Variants in SPNS2 observed in about 807,000 individuals in gnomAD.
SPNS2 encodes SPNS lysolipid transporter 2, sphingosine-1-phosphate.
In SPNS2, 37 loss-of-function variants were observed where a neutral mutation model predicts 57.6. The observed-to-expected ratio is 0.64, with a 90% CI of 0.49 to 0.85. The LOEUF is 0.85. Ranked by LOEUF, SPNS2 falls within the 40% of genes least tolerant of loss-of-function variation. The probability of loss-of-function intolerance (pLI) is 0.00; values close to 1 mark genes in which losing one functional copy is unlikely to be tolerated. For missense variants in SPNS2, 831 were observed against 779.1 expected, an observed-to-expected ratio of 1.07 and a Z score of -0.79; for synonymous variants, 440 against 346.9, an observed-to-expected ratio of 1.27 and a Z score of -2.98.
chr17:4,524,951 T>G lies in SPNS2; in HGVS notation c.437-106T>G, dbSNP rs1905226910. ...AGGTTTCCTCTCTGGGCTGCTTCCTTGGTCCCTTTGCTCCACAGACTCTTG... is the reference window on the plus strand; with the variant it reads ...AGGTTTCCTCTCTGGGCTGCTTCCTGGGTCCCTTTGCTCCACAGACTCTTG... On this transcript the variant is annotated intron_variant, in intron 2 of 12. Coordinates refer to ENST00000329078, the MANE Select transcript of SPNS2 (RefSeq NM_001124758.3). 5.3e-6 allele frequency: 8 copies of G among 1,504,474 alleles called. No individual in the cohort carries two copies. The South Asian group carries it at 1.0e-4, about 19-fold the overall frequency. The allele number at this position is 1,504,474 out of a possible 1,614,324, so 93.2% of individuals were successfully genotyped here. A position where few individuals can be genotyped will look rare whatever the true frequency, so the allele number is the denominator to read the frequency against.
At chr17:4,520,017 C>T (rs1905099685) in intron 2 of SPNS2, among the ~76,000 whole-genome samples, 1 of 152,256 alleles carries the variant, frequency 6.6e-6, no homozygotes, top group Non-Finnish European at 1.5e-5. Flanking sequence ...TCCCACCTCC[C>T]TCCTGACCCT....
intron 3 of SPNS2, among the ~76,000 whole-genome samples, chr17:4,525,966 C>T (rs1185191841): frequency 2.0e-5 from 3 of 152,154 alleles, no homozygotes; most frequent in Non-Finnish European, 4.4e-5. Flanking sequence ...GTGGCAATCA[C>T]ATGCCGGCTG....
Position 4,525,336 on chromosome 17 carries a change from C to G in SPNS2, c.573+143C>G, listed in dbSNP as rs1189657580. The G allele has an allele frequency of 1.5e-5, 18 of 1,239,418 alleles. No homozygotes were observed. The South Asian group carries it at 2.2e-4, about 15-fold the overall frequency. The allele number at this position is 1,239,418 out of a possible 1,614,324, so 76.8% of individuals were successfully genotyped here. A position where few individuals can be genotyped will look rare whatever the true frequency, so the allele number is the denominator to read the frequency against. ...CCACTGTCTTCCCAGTGCAGAAGGA[C>G]AGGTGGTCTTCGGGTATTTTTATAA... is the stretch of plus-strand genomic sequence containing the variant. On this transcript the variant is annotated intron_variant, in intron 3 of 12. Transcript: ENST00000329078.
At chr17:4,535,712 C>T (rs1031525220) in intron 9 of SPNS2, among the ~76,000 whole-genome samples, 1 of 152,118 alleles carries the variant, frequency 6.6e-6, no homozygotes, top group Admixed American at 6.5e-5. Context: ...ATTCCAATTT[C>T]AGAGGGGTGT....
intron 2 of SPNS2, 83 bp downstream of exon 2, chr17:4,513,395 G>T (rs1279613690): frequency 5.5e-6 from 8 of 1,451,428 alleles, no homozygotes; most frequent in Admixed American, 5.1e-5. Flanking sequence ...TCTGCCACCC[G>T]GTCTGTCTTC....
At position 4,532,672 on chromosome 17, in the gene SPNS2, C is replaced by T. The variant is rs764623452; in HGVS notation, c.923C>T (p.Ala308Val). 6.1e-5 allele frequency: 98 copies of T among 1,613,748 alleles called. No individual in the cohort carries two copies. The highest frequency in any genetic ancestry group is 7.6e-5 in the Non-Finnish European group (90 of 1,179,926). The change falls in exon 6 of 13, where the codon GCC (alanine) becomes GTC (valine). Residue 308 changes from alanine (A) to valine (V), a missense_variant. Transcript: ENST00000329078. Reference protein sequence around the residue: ...ARTSWLRDMKALIRNRSYVFS... With the variant: ...ARTSWLRDMKVLIRNRSYVFS... ...ACCTCATGGCTCCGAGATATGAAGG[C>T]CCTGATTCGAAAGTGAGTACCGCGG...
At chr17:4,502,128 C>A (rs1007782835) in intron 1 of SPNS2, among the ~76,000 whole-genome samples, 2 of 152,160 alleles carry the variant, frequency 1.3e-5, no homozygotes, top group Non-Finnish European at 2.9e-5. Context: ...GTAAACCCAG[C>A]ACTTTGGGAG....
chr17:4,532,848 C>A, intron 6 of SPNS2, 129 bp from the exon 7 acceptor site: 1 of 1,465,394 alleles, frequency 6.8e-7, no homozygotes, highest in South Asian at 1.3e-5. Context: ...ATTCCTGCAG[C>A]CTGAACCCTC....
At chr17:4,526,091 C>G (rs1905256810) in intron 3 of SPNS2, among the ~76,000 whole-genome samples, 2 of 152,240 alleles carry the variant, frequency 1.3e-5, no homozygotes, top group African/African-American at 4.8e-5. Context: ...TTGACAGGAA[C>G]TCCTGTGTTC....
At chr17:4,504,832 G>C (rs552169863) in intron 1 of SPNS2, among the ~76,000 whole-genome samples, 5 of 152,288 alleles carry the variant, frequency 3.3e-5, no homozygotes, top group Admixed American at 2.6e-4. Context: ...GGCAAATTCT[G>C]ACTCTCTCTG....
At chr17:4,504,430 T>C (rs1216729254) in intron 1 of SPNS2, among the ~76,000 whole-genome samples, 1 of 152,112 alleles carries the variant, frequency 6.6e-6, no homozygotes, top group African/African-American at 2.4e-5. Flanking sequence ...GGAAGTGCTT[T>C]GAAACATAGT....
At position 4,511,087 on chromosome 17, in the gene SPNS2, G is replaced by C. The variant is rs568473417; in HGVS notation, c.371-2160G>C. 6.6e-6 allele frequency among the ~76,000 whole-genome samples: 1 copy of C among 152,176 alleles called. No individual in the cohort carries two copies. The highest frequency in any genetic ancestry group is 1.9e-4 in the East Asian group (1 of 5,194). ...CTCACGCAGTTCCTTGGAACTTAGC[G>C]GGAAGCGGTAACTAGCGGCTCTCAG... On this transcript the variant is annotated intron_variant, in intron 1 of 12. Transcript: ENST00000329078. This position sits in a 1 kb window ranked among gnomAD's most constrained non-coding sequence, Gnocchi z 4.6.
intron 3 of SPNS2, among the ~76,000 whole-genome samples, chr17:4,530,053 C>T (rs1435897905): frequency 6.6e-6 from 1 of 152,158 alleles, no homozygotes; most frequent in Non-Finnish European, 1.5e-5. Context: ...GTCATGCTAC[C>T]AGCAGCTGGC....
chr17:4,513,281 C>T lies in SPNS2; in HGVS notation c.405C>T (p.Val135=), dbSNP rs1214568666. The change falls in exon 2 of 13, where the codon GTC becomes GTT. Residue 135 remains valine (V), a synonymous_variant. Coordinates refer to ENST00000329078, the MANE Select transcript of SPNS2 (RefSeq NM_001124758.3). ...TGGACATCCAGCAGCACTTTGGGGT[C>T]AAGGACCGAGGCGCCGGCCTGCTGC... ...VLLDIQQHFG[V]KDRGAGLLQS... 1 of 1,614,058 alleles carries T rather than the reference C, an allele frequency of 6.2e-7. No individual in the cohort carries two copies. Among genetic ancestry groups the T allele is most frequent in the Non-Finnish European group, 8.5e-7 (1 of 1,179,924 alleles).
At chr17:4,524,764 A>G (rs1905222889) in intron 2 of SPNS2, among the ~76,000 whole-genome samples, 1 of 152,254 alleles carries the variant, frequency 6.6e-6, no homozygotes, top group Non-Finnish European at 1.5e-5. Context: ...GCATGTAGAA[A>G]GTGTTCAATA....
At chr17:4,530,353 G>T (rs986593322) in intron 3 of SPNS2, among the ~76,000 whole-genome samples, 1 of 152,198 alleles carries the variant, frequency 6.6e-6, no homozygotes, top group Non-Finnish European at 1.5e-5. Context: ...GAGGACAGAG[G>T]GGGCCTACCT....
In SPNS2 at chr17:4,518,727, C is replaced by T. The variant is rs560131181; in HGVS notation, c.436+5415C>T. Among the ~76,000 whole-genome samples, 8 of 152,294 alleles carry T rather than the reference C, an allele frequency of 5.3e-5. No individual in the cohort carries two copies. In the South Asian group the frequency reaches 1.2e-3, roughly 24 times the overall value. On this transcript the variant is annotated intron_variant, in intron 2 of 12. Transcript: ENST00000329078. Reference sequence around the variant, plus strand: ...AGAGCCAGCTCAAACCGAAACCAGACAGTGCCTCTGTTTTGGGGGTAAGTC... The same window carrying T: ...AGAGCCAGCTCAAACCGAAACCAGATAGTGCCTCTGTTTTGGGGGTAAGTC...
chr17:4,504,464 G>A lies in SPNS2; in HGVS notation c.370+5047G>A, dbSNP rs531446988. Among the ~76,000 whole-genome samples, 13 of 152,336 alleles carry A rather than the reference G, an allele frequency of 8.5e-5. No homozygotes were observed. The South Asian group carries it at 2.3e-3, about 27-fold the overall frequency. ...GTACCTTGGTCTGGGGCCCTGGACC[G>A]GTGATGGGCCTGGCCTGTGCCTCTG... On this transcript the variant is annotated intron_variant, in intron 1 of 12. Transcript: ENST00000329078.
rs113143659 is a variant in SPNS2, at chr17:4,500,213, A to C, written c.370+796A>C. Among the ~76,000 whole-genome samples, 446 of 152,286 alleles carry C rather than the reference A, an allele frequency of 2.9e-3. 4 individuals are homozygous for C. Among genetic ancestry groups the C allele is most frequent in the African/African-American group, 0.01 (424 of 41,554 alleles). The stretch of plus-strand genomic sequence containing the variant: ...GGGACGGGATTGGGATCGATAGAAC[A>C]ACTGGGTTCTAGCCCCAGCTTTGCT... On this transcript the variant is annotated intron_variant, in intron 1 of 12. Coordinates refer to ENST00000329078, the MANE Select transcript of SPNS2 (RefSeq NM_001124758.3).
Sources: allele counts gnomAD v4.1 joint callset (sites outside exome capture counted in the v4.1 genomes callset), GRCh38; gene constraint gnomAD v4.1.1; non-coding constraint Gnocchi (gnomAD v3.1); transcripts MANE v1.5; gene names NCBI Gene and HGNC (gene_info 2026-07-23, HGNC 2026-07-21).